The following EYS variants were observed in gnomAD, a reference collection of about 807,000 sequenced individuals.
The protein encoded by EYS is EGF-like photoreceptor maintenance factor, also known as protein eyes shut homolog.
EYS carries 250 observed loss-of-function variants against 282.1 expected under a neutral mutation model. The observed-to-expected ratio is 0.89, with a 90% CI of 0.80 to 0.98. The LOEUF (loss-of-function observed/expected upper bound fraction) is 0.98. Among genes scored for constraint, EYS ranks in the 50% least tolerant of loss-of-function variants. EYS has a pLI of 0.00. For synonymous variants in EYS, 1,355 were observed against 1,282.9 expected (o/e 1.06, Z -1.20); for missense variants, 4,016 against 3,709.0 (o/e 1.08, Z -2.15).
In EYS at chr6:63,836,017, T is replaced by C. The variant is rs576778820; in HGVS notation, c.7228+28169A>G. 2.0e-5 allele frequency among the ~76,000 whole-genome samples: 3 copies of C among 152,230 alleles called. No homozygotes were observed. In the East Asian group the frequency reaches 5.8e-4, roughly 29 times the overall value. ...AGTTGCTCCCATTATTGGGCTGTTA[T>C]GAATAATGCTCCTATGAAAATTATT... On this transcript the variant is annotated intron_variant, in intron 36 of 42. Coordinates refer to ENST00000503581, the MANE Select transcript of EYS (RefSeq NM_001142800.2).
chr6:64,661,674 C>T (rs933393273), intron 22 of EYS, among the ~76,000 whole-genome samples: 12 of 145,292 alleles, frequency 8.3e-5, no homozygotes, highest in African/African-American at 2.8e-4. Context: ...AAATCAAAAC[C>T]ACAATGAGAT....
chr6:64,591,987 G>T lies in EYS; in HGVS notation c.3880C>A (p.Pro1294Thr). 4.1e-6 allele frequency: 6 copies of T among 1,462,306 alleles called. No homozygotes were observed. The highest frequency in any genetic ancestry group is 5.4e-6 in the Non-Finnish European group (6 of 1,105,934). The allele number at this position is 1,462,306 out of a possible 1,614,324, so 90.6% of individuals were successfully genotyped here. A position where few individuals can be genotyped will look rare whatever the true frequency, so the allele number is the denominator to read the frequency against. The change falls in exon 26 of 43, where the codon CCA becomes ACA. Residue 1294 changes from proline to threonine, a missense_variant and splice_region_variant. Transcript: ENST00000503581. The stretch of plus-strand genomic sequence containing the variant: ...TGCTTGACAATGCCTGTCTGTTTTG[G>T]ACCTACAAAAAGGAAAAAAGCCAAA... Reference protein sequence around the residue: ...IMDTYPVDQGPKQTGIVKHDI... With the variant: ...IMDTYPVDQGTKQTGIVKHDI...
At chr6:65,314,111 ATC>A (rs1056107575) in intron 11 of EYS, among the ~76,000 whole-genome samples, 5 of 143,558 alleles carry the variant, frequency 3.5e-5, no homozygotes, top group Non-Finnish European at 6.2e-5. Flanking sequence ...AGGTGTGTCT[ATC>A]TGTGTGTGTG....
chr6:64,903,532 A>G (rs1562251431), intron 16 of EYS, among the ~76,000 whole-genome samples: 1 of 152,126 alleles, frequency 6.6e-6, no homozygotes, highest in African/African-American at 2.4e-5. Context: ...TATCCTTCTC[A>G]TATCACTTTT....
Position 63,759,774 on chromosome 6 carries a change from C to T in EYS, c.8071+2687G>A, listed in dbSNP as rs377015745. ...AAACAAGTATTTGAAAACAGGAAAA[C>T]ACAGTAATAATTCCTGACACTGCCA... On this transcript the variant is annotated intron_variant, in intron 41 of 42. Coordinates refer to ENST00000503581, the MANE Select transcript of EYS (RefSeq NM_001142800.2). 8.0e-4 allele frequency among the ~76,000 whole-genome samples: 122 copies of T among 152,162 alleles called. No homozygotes were observed. In the Middle Eastern group the frequency reaches 0.01, roughly 13 times the overall value.
At chr6:64,357,833 C>T (rs993131856) in intron 29 of EYS, among the ~76,000 whole-genome samples, 1 of 151,558 alleles carries the variant, frequency 6.6e-6, no homozygotes, top group Admixed American at 6.6e-5. Flanking sequence ...GGTGGCAGGT[C>T]AGATTTTGCC....
chr6:64,945,504 T>C (rs150457908), intron 15 of EYS, among the ~76,000 whole-genome samples: 84 of 152,188 alleles, frequency 5.5e-4, no homozygotes, highest in African/African-American at 1.9e-3. Context: ...TCCAAAACAA[T>C]GTTAAGATGG....
At chr6:65,267,936 C>T (rs918748495) in intron 12 of EYS, among the ~76,000 whole-genome samples, 1 of 151,690 alleles carries the variant, frequency 6.6e-6, no homozygotes, top group Admixed American at 6.6e-5. Context: ...ATGTGTGTCT[C>T]ACTATCTCTC....
chr6:64,781,945 T>A (rs1007988998), intron 22 of EYS, among the ~76,000 whole-genome samples: 8 of 152,228 alleles, frequency 5.3e-5, no homozygotes, highest in African/African-American at 1.9e-4. Context: ...TATGGCACAG[T>A]GGATATGAAA....
At chr6:64,217,074 TCAAAA>T (rs1268393651) in intron 31 of EYS, among the ~76,000 whole-genome samples, 1 of 152,194 alleles carries the variant, frequency 6.6e-6, no homozygotes, top group African/African-American at 2.4e-5. Context: ...ACTGTTTATA[TCAAAA>T]TATATGTGTT....
intron 22 of EYS, among the ~76,000 whole-genome samples, chr6:64,769,204 G>A (rs1458196359): frequency 6.6e-6 from 1 of 151,904 alleles, no homozygotes; most frequent in Non-Finnish European, 1.5e-5. Flanking sequence ...TTTCTTTTTA[G>A]GTTTATAGAT....
chr6:65,684,603 A>G (rs1203221601), intron 1 of EYS, among the ~76,000 whole-genome samples: 2 of 152,062 alleles, frequency 1.3e-5, no homozygotes, highest in African/African-American at 4.8e-5. Context: ...GCTGTTTTCC[A>G]CTGGAGAAGT....
At chr6:65,312,651 A>G (rs1258975214) in intron 11 of EYS, among the ~76,000 whole-genome samples, 1 of 152,186 alleles carries the variant, frequency 6.6e-6, no homozygotes. Flanking sequence ...AATGTTTTAC[A>G]TGTAAACAAG....
At chr6:64,025,035 C>G (rs1323284314) in intron 33 of EYS, among the ~76,000 whole-genome samples, 2 of 152,172 alleles carry the variant, frequency 1.3e-5, no homozygotes, top group Non-Finnish European at 2.9e-5. Flanking sequence ...AGCAGTGAGA[C>G]AATTGCCTAT....
Position 63,937,828 on chromosome 6 carries a change from C to A in EYS, c.7055+46555G>T, listed in dbSNP as rs143363321. ...ATATTTAATATTTTCCTCTCCCAAT[C>A]CATTTCATTCTTCTCCACTCTTCTC... is the stretch of plus-strand genomic sequence containing the variant. On this transcript the variant is annotated intron_variant, in intron 35 of 42. Transcript: ENST00000503581. Among the ~76,000 whole-genome samples, 1,017 of 152,282 alleles carry A rather than the reference C, an allele frequency of 6.7e-3. 14 individuals are homozygous for A. Among genetic ancestry groups the A allele is most frequent in the African/African-American group, 0.022 (913 of 41,542 alleles).
intron 39 of EYS, among the ~76,000 whole-genome samples, chr6:63,781,761 C>T (rs755221632): frequency 5.9e-5 from 9 of 152,180 alleles, no homozygotes; most frequent in Non-Finnish European, 1.3e-4. Flanking sequence ...TGCCTGATTG[C>T]CCTAGCCAGA....
At chr6:65,264,494 A>C (rs546329636) in intron 12 of EYS, among the ~76,000 whole-genome samples, 2 of 152,138 alleles carry the variant, frequency 1.3e-5, no homozygotes, top group Admixed American at 1.3e-4. Flanking sequence ...TCAGAATAGA[A>C]GTACTTCTTT....
chr6:65,270,872 A>C (rs1459937490), intron 12 of EYS, among the ~76,000 whole-genome samples: 1 of 151,678 alleles, frequency 6.6e-6, no homozygotes, highest in Non-Finnish European at 1.5e-5. Flanking sequence ...GCAGTGTTCT[A>C]TATATGATTT....
At chr6:64,410,785 A>G (rs1694192417) in intron 28 of EYS, among the ~76,000 whole-genome samples, 2 of 152,152 alleles carry the variant, frequency 1.3e-5, no homozygotes, top group East Asian at 3.9e-4. Flanking sequence ...TGATGTGTAT[A>G]TATTGGTTTT....
Sources: allele counts gnomAD v4.1 joint callset (sites outside exome capture counted in the v4.1 genomes callset), GRCh38; gene constraint gnomAD v4.1.1; transcripts MANE v1.5; gene names NCBI Gene and HGNC (gene_info 2026-07-23, HGNC 2026-07-21).